CGAS: variants seen among roughly 807,000 people sequenced by gnomAD.
CGAS encodes cyclic GMP-AMP synthase, also known as 2'3'-cGAMP synthase.
CGAS carries 31 observed loss-of-function variants against 34.0 expected under a neutral mutation model. That is an observed-to-expected ratio of 0.91 (90% CI 0.69 to 1.23). The LOEUF is 1.23. Among genes scored for constraint, CGAS ranks in the 50% most tolerant of loss-of-function variants. The pLI is 0.00. For missense variants in CGAS, 597 were observed against 657.6 expected (o/e 0.91, Z 1.01); for synonymous variants, 266 against 260.0 (o/e 1.02, Z -0.22).
chr6:73,433,314 T>A (rs1582651439), intron 3 of CGAS, among the ~76,000 whole-genome samples: 1 of 151,322 alleles, frequency 6.6e-6, no homozygotes. Flanking sequence ...CAGGCTGGAG[T>A]GCAGTGGCAA....
At chr6:73,425,719 A>C in intron 4 of CGAS, 141 bp from the exon 5 acceptor site, 1 of 577,664 alleles carries the variant, frequency 1.7e-6, no homozygotes, top group Non-Finnish European at 2.9e-6. Context: ...CAACGCCTGT[A>C]ATCCCAGCAC....
At chr6:73,428,617 C>T (rs1770130627) in intron 4 of CGAS, 92 bp downstream of exon 4, 1 of 1,210,112 alleles carries the variant, frequency 8.3e-7, no homozygotes, top group Non-Finnish European at 1.2e-6. Flanking sequence ...CCAGACCCAA[C>T]CCAGCTCAGC....
chr6:73,438,877 C>A lies in CGAS; in HGVS notation c.1114+1332G>T, dbSNP rs1582653662. Among the ~76,000 whole-genome samples, 5 of 152,198 alleles carry A rather than the reference C, an allele frequency of 3.3e-5. No homozygotes were observed. In the East Asian group the frequency reaches 9.7e-4, roughly 29 times the overall value. On this transcript the variant is annotated intron_variant, in intron 3 of 4. Coordinates refer to ENST00000370315, the MANE Select transcript of CGAS (RefSeq NM_138441.3). The stretch of plus-strand genomic sequence containing the variant: ...TTACAGTGAGGGTTTCCTGGGGCAG[C>A]TATTCTAAAAATTGTTCAGTTTGCA...
At chr6:73,428,909 G>C (rs1770135394) in intron 3 of CGAS, 98 bp from the exon 4 acceptor site, 6 of 1,052,672 alleles carry the variant, frequency 5.7e-6, no homozygotes, top group Non-Finnish European at 8.3e-6. Flanking sequence ...TCCTGGGGCT[G>C]GGCATGGGGG....
chr6:73,451,606 G>A lies in CGAS; in HGVS notation c.576C>T (p.His192=), dbSNP rs376219826. ...AGTCGCACTTCAGTCTGAGCAGCAG[G>A]TGGTCCACAACCCCTTTCACCATCC... is the stretch of plus-strand genomic sequence containing the variant. ...AAGMVKGVVD[H]LLLRLKCDSA... is the part of the protein sequence containing the mutation. Residue 192 remains histidine, a synonymous_variant, in exon 1 of 5, where the codon CAC becomes CAT. Transcript: ENST00000370315. 75 of 1,613,994 alleles carry A rather than the reference G, an allele frequency of 4.6e-5. No individual in the cohort carries two copies. The highest frequency in any genetic ancestry group is 5.9e-5 in the Non-Finnish European group (70 of 1,180,018).
rs1199170507 is a variant in CGAS at position 73,433,375 on chromosome 6, C to T, written c.1115-4564G>A. Among the ~76,000 whole-genome samples, 6 of 151,332 alleles carry T rather than the reference C, an allele frequency of 4.0e-5. No individual in the cohort carries two copies. In the South Asian group the frequency reaches 8.3e-4, roughly 21 times the overall value. On this transcript the variant is annotated intron_variant, in intron 3 of 4. Transcript: ENST00000370315. ...CTCCTGAGCTTAAGTGATTCTCTTG[C>T]GTAACTAAGACTACAAGCTACAAGT...
At chr6:73,426,418 G>C (rs1159288443) in intron 4 of CGAS, among the ~76,000 whole-genome samples, 1 of 150,652 alleles carries the variant, frequency 6.6e-6, no homozygotes, top group Non-Finnish European at 1.5e-5. Flanking sequence ...CAAATATATG[G>C]TTTGAAGTTT....
In CGAS at chr6:73,452,157, T is replaced by A. The variant is rs34605178; in HGVS notation, c.25A>T (p.Met9Leu). 1 of 1,608,324 alleles carries A rather than the reference T, an allele frequency of 6.2e-7. No individual in the cohort carries two copies. Among genetic ancestry groups the A allele is most frequent in the South Asian group, 1.1e-5 (1 of 90,514 alleles). Residue 9 changes from methionine to leucine, a missense_variant, in exon 1 of 5, where the codon ATG becomes TTG. By Grantham distance (15) the Met-to-Leu change is conservative. This residue lies in a region of CGAS where 321 missense variants were observed against 314.3 expected (regional missense o/e 1.02). Transcript: ENST00000370315. MQPWHGKA[M>L]QRASEAGATA... ...GCTCCGGCCTCGGAAGCTCTCTGCA[T>A]GGCCTTTCCGTGCCAAGGCTGCATG... is the stretch of plus-strand genomic sequence containing the variant.
chr6:73,428,924 C>T (rs1054016527), intron 3 of CGAS, 113 bp from the exon 4 acceptor site: 22 of 903,090 alleles, frequency 2.4e-5, no homozygotes, highest in South Asian at 2.0e-4. Flanking sequence ...TGGGGGCTCA[C>T]GCCTGTAATC....
intron 3 of CGAS, among the ~76,000 whole-genome samples, chr6:73,436,293 TA>T (rs2150812333): frequency 6.6e-6 from 1 of 151,834 alleles, no homozygotes; most frequent in African/African-American, 2.4e-5. Flanking sequence ...TATTGTTAAC[TA>T]AAGTCTATAC....
chr6:73,432,746 A>T (rs1485687677), intron 3 of CGAS, among the ~76,000 whole-genome samples: 1 of 151,846 alleles, frequency 6.6e-6, no homozygotes, highest in Non-Finnish European at 1.5e-5. Flanking sequence ...ATGAGCCAAC[A>T]CTCCTGGCCC....
chr6:73,446,202 C>A (rs188935219), intron 1 of CGAS, among the ~76,000 whole-genome samples: 8 of 151,786 alleles, frequency 5.3e-5, no homozygotes, highest in Admixed American at 1.3e-4. Flanking sequence ...TAGTGGCATG[C>A]GCCTGTAATC....
In CGAS at chr6:73,451,599, G is replaced by A; in HGVS notation, c.583C>T (p.Leu195Phe). Residue 195 changes from leucine to phenylalanine, a missense_variant, in exon 1 of 5, where the codon CTC becomes TTC. By Grantham distance (22) the Leu-to-Phe change is conservative. Transcript: ENST00000370315. ...MVKGVVDHLL[L>F]RLKCDSAFRG... ...AACGCGGAGTCGCACTTCAGTCTGA[G>A]CAGCAGGTGGTCCACAACCCCTTTC... The A allele has an allele frequency of 2.5e-6, 4 of 1,613,944 alleles. No homozygotes were observed. The highest frequency in any genetic ancestry group is 3.4e-6 in the Non-Finnish European group (4 of 1,179,938).
At chr6:73,428,612 C>A (rs941710016) in intron 4 of CGAS, 97 bp downstream of exon 4, 32 of 1,156,204 alleles carry the variant, frequency 2.8e-5, no homozygotes, top group Non-Finnish European at 3.9e-5. Context: ...GCCCCCCAGA[C>A]CCAACCCAGC....
rs1237057806 is a variant in CGAS, at chr6:73,440,242, G to C, written c.1081C>G (p.Pro361Ala). Residue 361 changes from proline (P) to alanine (A), a missense_variant, in exon 3 of 5, where the codon CCC (proline) becomes GCC (alanine). Pro to Ala is a conservative substitution (Grantham distance 27). Around this residue, in one of 3 missense-constraint regions of CGAS, gnomAD observed 271 missense variants for 324.1 expected, o/e 0.84. Transcript: ENST00000370315. ...QLRLKPFYLV[P>A]KHAKEGNGFQ... ...CCATTTCCTTCCTTTGCATGCTTGGGTACAAGGTAAAATGGCTTTAGTCGT... is the reference window on the plus strand; with the variant it reads ...CCATTTCCTTCCTTTGCATGCTTGGCTACAAGGTAAAATGGCTTTAGTCGT... 2.5e-6 allele frequency: 4 copies of C among 1,613,972 alleles called. No individual in the cohort carries two copies. The highest frequency in any genetic ancestry group is 3.3e-5 in the Admixed American group (2 of 59,974).
At chr6:73,443,411 T>C (rs1027529569) in intron 2 of CGAS, among the ~76,000 whole-genome samples, 26 of 151,896 alleles carry the variant, frequency 1.7e-4, no homozygotes, top group Admixed American at 3.9e-4. Context: ...GCTAGTTTTT[T>C]GTATTTTTAG....
chr6:73,429,675 A>C (rs1770155900), intron 3 of CGAS, among the ~76,000 whole-genome samples: 1 of 151,882 alleles, frequency 6.6e-6, no homozygotes, highest in Admixed American at 6.6e-5. Context: ...AAATACAAAA[A>C]ATTAGCCGGG....
Position 73,451,618 on chromosome 6 carries a change from C to T in CGAS, c.564G>A (p.Gly188=). The T allele has an allele frequency of 6.2e-7, 1 of 1,614,184 alleles. No individual in the cohort carries two copies. The highest frequency in any genetic ancestry group is 8.5e-7 in the Non-Finnish European group (1 of 1,180,042). ...GTCTGAGCAGCAGGTGGTCCACAAC[C>T]CCTTTCACCATCCCCGCCGCCGTGG... ...DISTAAGMVK[G]VVDHLLLRLK... The change falls in exon 1 of 5, where the codon GGG becomes GGA. Residue 188 remains glycine, a synonymous_variant. Coordinates refer to ENST00000370315, the MANE Select transcript of CGAS (RefSeq NM_138441.3).
Position 73,451,915 on chromosome 6 carries a change from C to CTG in CGAS, c.265_266dup (p.Gln89HisfsTer85), listed in dbSNP as rs749545076. On this transcript the variant is annotated frameshift_variant, in exon 1 of 5. Transcript: ENST00000370315. LOFTEE classifies it high-confidence loss of function. ...TGGTGGCGTCAGACGGCTGCGTGTCCTGGGCGCGCTGAGGGGCCTTTTTGG... is the reference window on the plus strand; with the variant it reads ...TGGTGGCGTCAGACGGCTGCGTGTCCTGTGGGCGCGCTGAGGGGCCTTTTTGG... 224 of 1,515,726 alleles carry CTG rather than the reference C, an allele frequency of 1.5e-4. No individual in the cohort carries two copies. Among genetic ancestry groups the CTG allele is most frequent in the Middle Eastern group, 1.9e-4 (1 of 5,208 alleles). 93.9% of individuals were successfully genotyped at this position (1,515,726 alleles called of 1,614,324 possible).
Sources: gnomAD v4.1 joint callset for allele counts (sites outside exome capture counted in the v4.1 genomes callset) on GRCh38, gnomAD v4.1.1 for gene constraint, gnomAD v4.1.1 regional missense constraint, MANE v1.5 for transcripts, NCBI Gene and HGNC (gene_info 2026-07-23, HGNC 2026-07-21) for gene names.